The following ANK3 variants were observed in gnomAD, a reference collection of about 807,000 sequenced individuals.
ANK3 encodes ankyrin-3.
ANK3 carries 57 observed loss-of-function variants against 370.9 expected under a neutral mutation model. The ratio of observed to expected loss-of-function variants is 0.15; its 90% confidence interval spans 0.12 to 0.19. The LOEUF is 0.19. ANK3 is among the 10% of genes least tolerant of loss of function. The pLI is 1.00. For synonymous variants in ANK3, 1,929 were observed against 1,946.3 expected (o/e 0.99, Z 0.23); for missense variants, 4,439 against 5,302.1 (o/e 0.84, Z 5.06).
chr10:60,707,912 A>G (rs2079643025), intron 1 of ANK3, among the ~76,000 whole-genome samples: 1 of 152,138 alleles, frequency 6.6e-6, no homozygotes, highest in Non-Finnish European at 1.5e-5. Context: ...ACAAAAAGGA[A>G]AAAAAGGGAA....
intron 1 of ANK3, among the ~76,000 whole-genome samples, chr10:60,324,347 C>G (rs78085212): frequency 6.6e-6 from 1 of 152,260 alleles, no homozygotes; most frequent in Non-Finnish European, 1.5e-5. Flanking sequence ...ATCTGGATCT[C>G]CAGTTTAAGA....
chr10:60,176,191 A>ACAAAC (rs1411780406), intron 18 of ANK3, among the ~76,000 whole-genome samples: 2 of 123,272 alleles, frequency 1.6e-5, no homozygotes, highest in African/African-American at 5.9e-5. Flanking sequence ...AAAAAAAAAA[A>ACAAAC]AAAACAAAAA....
At chr10:60,411,725 A>T (rs2063564151) in intron 2 of ANK3, among the ~76,000 whole-genome samples, 2 of 152,200 alleles carry the variant, frequency 1.3e-5, no homozygotes, top group South Asian at 4.1e-4. Context: ...TTACTAGGAA[A>T]ATAACCTTAG....
At chr10:60,186,093 C>T (rs539946840) in intron 17 of ANK3, among the ~76,000 whole-genome samples, 6 of 152,262 alleles carry the variant, frequency 3.9e-5, no homozygotes, top group East Asian at 1.9e-4. Context: ...AACTTAAAAA[C>T]GGATGAGCAA....
intron 2 of ANK3, among the ~76,000 whole-genome samples, chr10:60,475,667 T>A (rs1209878436): frequency 6.6e-6 from 1 of 150,882 alleles, no homozygotes; most frequent in Non-Finnish European, 1.5e-5. Context: ...TTAGAGGGAT[T>A]TTTTTTTCTC....
At chr10:60,132,341 G>A (rs1456498537) in intron 25 of ANK3, among the ~76,000 whole-genome samples, 12 of 152,260 alleles carry the variant, frequency 7.9e-5, no homozygotes, top group South Asian at 6.2e-4. Flanking sequence ...CCTGGTGGGA[G>A]GTAATTGAAT....
At chr10:60,089,859 A>T (rs2087769460) in intron 28 of ANK3, among the ~76,000 whole-genome samples, 1 of 152,072 alleles carries the variant, frequency 6.6e-6, no homozygotes, top group African/African-American at 2.4e-5. Flanking sequence ...TATTTAAGTT[A>T]TATTTAAATC....
chr10:60,375,694 C>T (rs2132808155), intron 1 of ANK3, among the ~76,000 whole-genome samples: 1 of 152,294 alleles, frequency 6.6e-6, no homozygotes, highest in Admixed American at 6.5e-5. Flanking sequence ...CACATTTCTT[C>T]CTACTAGAAA....
At chr10:60,435,728 T>C (rs1411275925) in intron 2 of ANK3, among the ~76,000 whole-genome samples, 1 of 152,254 alleles carries the variant, frequency 6.6e-6, no homozygotes, top group Non-Finnish European at 1.5e-5. Flanking sequence ...AGGATTTGCC[T>C]ACTCTGGACA....
intron 18 of ANK3, among the ~76,000 whole-genome samples, chr10:60,177,180 G>C (rs948648623): frequency 8.5e-5 from 13 of 152,146 alleles, no homozygotes; most frequent in African/African-American, 3.1e-4. Flanking sequence ...CCTTTGGACA[G>C]CCCTCCTTTG....
intron 2 of ANK3, among the ~76,000 whole-genome samples, chr10:60,588,350 A>T (rs997216659): frequency 6.6e-6 from 1 of 151,350 alleles, no homozygotes; most frequent in South Asian, 2.1e-4. Flanking sequence ...ATGCTTGGCT[A>T]ATTTTTGTAT....
At chr10:60,273,999 G>A (rs976743834) in intron 4 of ANK3, among the ~76,000 whole-genome samples, 4 of 152,162 alleles carry the variant, frequency 2.6e-5, no homozygotes, top group African/African-American at 9.7e-5. Context: ...AATACAGATA[G>A]GGTCTTGCTC....
intron 28 of ANK3, among the ~76,000 whole-genome samples, chr10:60,100,234 G>GTTTTTTTTTTTTTTTTTTTTTTTGTTTTT (rs3045340): frequency 1.7e-5 from 1 of 57,898 alleles, no homozygotes; most frequent in Non-Finnish European, 2.8e-5. Flanking sequence ...TTTTGCTATG[G>GTTTTTTTTTTTTTTTTTTTTTTTGTTTTT]TTTTTTTTTT....
At chr10:60,541,530 G>T (rs993351344) in intron 2 of ANK3, among the ~76,000 whole-genome samples, 1 of 151,874 alleles carries the variant, frequency 6.6e-6, no homozygotes, top group African/African-American at 2.4e-5. Context: ...TTTACATCTT[G>T]TTCATAGAAG....
chr10:60,376,081 A>G (rs2060732382), intron 1 of ANK3, among the ~76,000 whole-genome samples: 2 of 152,050 alleles, frequency 1.3e-5, no homozygotes, highest in Admixed American at 1.3e-4. Flanking sequence ...CCGACTTCAC[A>G]CTCCACAGAG....
chr10:60,594,512 TCATTA>T (rs1396821412), intron 2 of ANK3, among the ~76,000 whole-genome samples: 3 of 152,346 alleles, frequency 2.0e-5, no homozygotes, highest in Admixed American at 6.5e-5. Context: ...ATTTAATCAT[TCATTA>T]CATTTAATAA....
At chr10:60,279,667 T>A (rs2098134351) in intron 1 of ANK3, 28 bp from the exon 2 acceptor site, 1 of 1,565,054 alleles carries the variant, frequency 6.4e-7, no homozygotes, top group Admixed American at 1.8e-5. Context: ...CACATTTTGA[T>A]GAAAAATGAA....
intron 1 of ANK3, among the ~76,000 whole-genome samples, chr10:60,684,340 C>G (rs1340816980): frequency 6.6e-6 from 1 of 152,140 alleles, no homozygotes; most frequent in Non-Finnish European, 1.5e-5. Flanking sequence ...CTCCCTGGTG[C>G]CAGCGAACAG....
At chr10:60,594,743 G>C (rs1595333611) in intron 2 of ANK3, among the ~76,000 whole-genome samples, 2 of 152,132 alleles carry the variant, frequency 1.3e-5, no homozygotes, top group Non-Finnish European at 1.5e-5. Flanking sequence ...AGTAATGTTG[G>C]TTTTTTTCAG....
Sources: allele counts gnomAD v4.1 joint callset (sites outside exome capture counted in the v4.1 genomes callset), GRCh38; gene constraint gnomAD v4.1.1; transcripts MANE v1.5; gene names NCBI Gene and HGNC (gene_info 2026-07-23, HGNC 2026-07-21).